Variants in ERBB3 observed in about 807,000 individuals in gnomAD.
The protein encoded by ERBB3 is erb-b2 receptor tyrosine kinase 3.
In ERBB3, 96 loss-of-function variants were observed where a neutral mutation model predicts 156.7. The observed-to-expected ratio is 0.61, with a 90% CI of 0.52 to 0.73. The LOEUF is 0.73. Ranked by LOEUF, ERBB3 falls within the 30% of genes least tolerant of loss-of-function variation. The probability of loss-of-function intolerance (pLI) is 0.00; values close to 1 mark genes in which losing one functional copy is unlikely to be tolerated. For missense variants in ERBB3, 1,406 were observed against 1,709.4 expected (o/e 0.82, Z 3.13); for synonymous variants, 567 against 632.0 (o/e 0.90, Z 1.54).
intron 9 of ERBB3, among the ~76,000 whole-genome samples, chr12:56,091,543 G>A (rs935256109): frequency 3.3e-5 from 5 of 150,186 alleles, no homozygotes; most frequent in African/African-American, 1.2e-4. Flanking sequence ...GCACCATGTT[G>A]TCCAGGATGG....
At chr12:56,087,485 G>A in intron 4 of ERBB3, 92 bp from the exon 5 acceptor site, 1 of 1,082,766 alleles carries the variant, frequency 9.2e-7, no homozygotes, top group South Asian at 1.2e-5. Flanking sequence ...TCCCGGGATT[G>A]AGGTGCCTGT....
Position 56,092,824 on chromosome 12 carries a change from A to G in ERBB3, c.1183+4A>G. On this transcript the variant is annotated splice_donor_region_variant and intron_variant, in intron 10 of 27. Transcript: ENST00000267101. ...CGGACAGTACGGGAGATCACAGGTGAGTGGCAGAGAGTTTGCCCTTTCTAG... is the reference window on the plus strand; with the variant it reads ...CGGACAGTACGGGAGATCACAGGTGGGTGGCAGAGAGTTTGCCCTTTCTAG... The G allele has an allele frequency of 1.2e-6, 2 of 1,613,306 alleles. No individual in the cohort carries two copies. Among genetic ancestry groups the G allele is most frequent in the Non-Finnish European group, 1.7e-6 (2 of 1,179,186 alleles).
At chr12:56,094,577 G>C (rs756201607) in intron 15 of ERBB3, 21 bp downstream of exon 15, 3 of 1,612,844 alleles carry the variant, frequency 1.9e-6, no homozygotes, top group South Asian at 1.1e-5. Flanking sequence ...GGATAATAAG[G>C]AGAGGGGGTC....
chr12:56,095,108 T>C lies in ERBB3; in HGVS notation c.1860-149T>C, dbSNP rs1006334940. 1.8e-5 allele frequency: 13 copies of C among 703,570 alleles called. No homozygotes were observed. The African/African-American group carries it at 2.3e-4, about 12-fold the overall frequency. The allele number at this position is 703,570 out of a possible 1,614,324, so 43.6% of individuals were successfully genotyped here. ...AGGGGCTTGGGGAGAGCTAGTGAGC[T>C]GGAGGTGGAGGCCATGTCTTGGGAT... On this transcript the variant is annotated intron_variant, in intron 15 of 27. Coordinates refer to ENST00000267101, the MANE Select transcript of ERBB3 (RefSeq NM_001982.4).
intron 9 of ERBB3, among the ~76,000 whole-genome samples, chr12:56,092,389 C>CAAAAA (rs60865127): frequency 1.6e-4 from 7 of 42,868 alleles, no homozygotes; most frequent in Admixed American, 3.9e-4. Flanking sequence ...GACTCTGTCT[C>CAAAAA]AAAAAAAAAA....
rs767074695 is a variant in ERBB3, at chr12:56,092,983, C to T, written c.1184-3C>T. ...GCCCATATGCCTCTCTCCAACCCCT[C>T]AGGTTACCTGAACATCCAGTCCTGG... On this transcript the variant is annotated splice_polypyrimidine_tract_variant and splice_region_variant and intron_variant, in intron 10 of 27. Transcript: ENST00000267101. The T allele has an allele frequency of 8.7e-6, 14 of 1,613,446 alleles. No homozygotes were observed. The Admixed American group carries it at 2.3e-4, about 27-fold the overall frequency.
intron 17 of ERBB3, 21 bp from the exon 18 acceptor site, chr12:56,096,482 T>C: frequency 6.2e-7 from 1 of 1,613,410 alleles, no homozygotes; most frequent in South Asian, 1.1e-5. Flanking sequence ...CCTGAGTAAC[T>C]CCTTCCCATT....
chr12:56,099,618 A>G, intron 23 of ERBB3, 30 bp from the exon 24 acceptor site: 1 of 1,587,836 alleles, frequency 6.3e-7, no homozygotes, highest in East Asian at 2.2e-5. Context: ...ATTCTCTTTT[A>G]TGTCTCTACC....
chr12:56,099,641 T>A lies in ERBB3; in HGVS notation c.2840-7T>A. On this transcript the variant is annotated splice_polypyrimidine_tract_variant and splice_region_variant and intron_variant, in intron 23 of 27. Coordinates refer to ENST00000267101, the MANE Select transcript of ERBB3 (RefSeq NM_001982.4). ...TTATGTCTCTACCTCCTACATCTTA[T>A]CTCCAGGTTGGATGATTGATGAGAA... The A allele has an allele frequency of 6.2e-7, 1 of 1,611,962 alleles. No individual in the cohort carries two copies. The highest frequency in any genetic ancestry group is 8.5e-7 in the Non-Finnish European group (1 of 1,178,324).
intron 4 of ERBB3, 88 bp downstream of exon 4, chr12:56,086,744 A>C (rs1592226199): frequency 7.2e-6 from 11 of 1,534,416 alleles, no homozygotes; most frequent in Middle Eastern, 2.0e-4. Flanking sequence ...CCTGATCTGA[A>C]CCCGCCTCCC....
At chr12:56,080,415 A>G in intron 1 of ERBB3, 33 bp downstream of exon 1, 1 of 1,530,036 alleles carries the variant, frequency 6.5e-7, no homozygotes, top group Non-Finnish European at 8.9e-7. Flanking sequence ...CGGGCTCGGC[A>G]CCTGGGAGCC....
At chr12:56,083,478 G>T in intron 1 of ERBB3, 1 of 480,192 alleles carries the variant, frequency 2.1e-6, no homozygotes, top group Non-Finnish European at 3.8e-6. Context: ...TAACCCCTTA[G>T]TACCCAAAAG....
At chr12:56,085,605 A>C in intron 3 of ERBB3, 1 of 307,744 alleles carries the variant, frequency 3.2e-6, no homozygotes, top group East Asian at 5.7e-5. Context: ...AAATAAAATA[A>C]AATAAAAAAT....
Position 56,083,828 on chromosome 12 carries a change from G to A in ERBB3, c.160G>A (p.Glu54Lys), listed in dbSNP as rs757941835. The change falls in exon 2 of 28, where the codon GAG (glutamate) becomes AAG (lysine). Residue 54 changes from glutamate (E) to lysine (K), a missense_variant. Around this residue, in one of 3 missense-constraint regions of ERBB3, gnomAD observed 979 missense variants for 1,219.6 expected, o/e 0.80. Coordinates refer to ENST00000267101, the MANE Select transcript of ERBB3 (RefSeq NM_001982.4). Reference protein sequence around the residue: ...NQYQTLYKLYERCEVVMGNLE... With the variant: ...NQYQTLYKLYKRCEVVMGNLE... ...ATACCAGACACTGTACAAGCTCTAC[G>A]AGAGGTGTGAGGTGGTGATGGGGAA... The A allele has an allele frequency of 7.4e-6, 12 of 1,613,974 alleles. No homozygotes were observed. Among genetic ancestry groups the A allele is most frequent in the South Asian group, 1.1e-5 (1 of 91,086 alleles).
chr12:56,087,502 ACAT>A, intron 4 of ERBB3, 72 bp from the exon 5 acceptor site: 1 of 1,238,472 alleles, frequency 8.1e-7, no homozygotes, highest in South Asian at 1.2e-5. Context: ...CTGTGTACTG[ACAT>A]CATACCCCGT....
chr12:56,095,850 A>G (rs1450607899), intron 17 of ERBB3, 44 bp downstream of exon 17: 3 of 1,610,220 alleles, frequency 1.9e-6, no homozygotes, highest in African/African-American at 2.7e-5. Context: ...CTTTTTTTGC[A>G]TGTCCTGGAA....
At position 56,096,518 on chromosome 12, in the gene ERBB3, G is replaced by A. The variant is rs759635172; in HGVS notation, c.2071G>A (p.Asp691Asn). The A allele has an allele frequency of 1.1e-5, 17 of 1,614,002 alleles. No individual in the cohort carries two copies. The Admixed American group carries it at 2.8e-4, about 27-fold the overall frequency. Residue 691 changes from aspartate to asparagine, a missense_variant, in exon 18 of 28, where the codon GAC becomes AAC. Asp to Asn is a conservative substitution (Grantham distance 23). Around this residue, in one of 3 missense-constraint regions of ERBB3, gnomAD observed 979 missense variants for 1,219.6 expected, o/e 0.80. Coordinates refer to ENST00000267101, the MANE Select transcript of ERBB3 (RefSeq NM_001982.4). ...TGCTCCTCAGAGCATAGAGCCTCTG[G>A]ACCCCAGTGAGAAGGCTAACAAAGT... ...LERGESIEPL[D>N]PSEKANKVLA...
At chr12:56,096,092 G>C in intron 17 of ERBB3, 1 of 539,302 alleles carries the variant, frequency 1.9e-6, no homozygotes, top group Admixed American at 3.1e-5. Context: ...TCTGTGCCTC[G>C]GTTTATGCAT....
At chr12:56,089,609 GGT>G (rs1451481475) in intron 9 of ERBB3, among the ~76,000 whole-genome samples, 2 of 151,964 alleles carry the variant, frequency 1.3e-5, no homozygotes, top group East Asian at 1.9e-4. Flanking sequence ...TGGGTGTGGT[GGT>G]GCACATGCCT....
Sources: gnomAD v4.1 joint callset for allele counts (sites outside exome capture counted in the v4.1 genomes callset) on GRCh38, gnomAD v4.1.1 for gene constraint, gnomAD v4.1.1 regional missense constraint, MANE v1.5 for transcripts, NCBI Gene and HGNC (gene_info 2026-07-23, HGNC 2026-07-21) for gene names.